Variants in PRKG1 observed in about 807,000 individuals in gnomAD.
PRKG1 encodes the protein protein kinase cGMP-dependent 1, also known as cGMP-dependent protein kinase 1.
In PRKG1, 35 loss-of-function variants were observed where a neutral mutation model predicts 88.1. The ratio of observed to expected loss-of-function variants is 0.40; its 90% confidence interval spans 0.30 to 0.53. PRKG1 has a LOEUF of 0.53. Among genes scored for constraint, PRKG1 ranks in the 20% least tolerant of loss-of-function variants. The pLI is 0.59. For synonymous variants in PRKG1, 303 were observed against 292.5 expected, an observed-to-expected ratio of 1.04 and a Z score of -0.37; for missense variants, 540 against 839.8, an observed-to-expected ratio of 0.64 and a Z score of 4.41.
intron 1 of PRKG1, among the ~76,000 whole-genome samples, chr10:51,143,715 G>GATGCGTGACACTGAGCATTTTTT (rs1169770790): frequency 6.6e-6 from 1 of 152,098 alleles, no homozygotes; most frequent in African/African-American, 2.4e-5. Context: ...TTTTCCTGAA[G>GATGCGTGACACTGAGCATTTTTT]ATGCGTGACA....
At chr10:51,323,819 G>A (rs10996840) in intron 2 of PRKG1, among the ~76,000 whole-genome samples, 24,823 of 152,120 alleles carry the variant, frequency 0.16, 2,130 homozygotes, top group East Asian at 0.22. Flanking sequence ...TGGGCATGGT[G>A]GCACGTGCCT....
At position 51,628,110 on chromosome 10, in the gene PRKG1, CCTT is replaced by C. The variant is rs749993299; in HGVS notation, c.592+160278_592+160280del. Among the ~76,000 whole-genome samples, 590 of 137,126 alleles carry C rather than the reference CCTT, an allele frequency of 4.3e-3. 3 individuals carry two copies. Among genetic ancestry groups the C allele is most frequent in the Admixed American group, 8.1e-3 (106 of 13,022 alleles). 90.0% of individuals were successfully genotyped at this position (137,126 alleles called of 152,430 possible). On this transcript the variant is annotated intron_variant, in intron 3 of 17. Transcript: ENST00000373980. ...TTTCCTTCCTTCCCTTTCTTTCTTTCCTTCTTTATTTCTCTTTCTTTCTTTCTT... is the reference window on the plus strand; with the variant it reads ...TTTCCTTCCTTCCCTTTCTTTCTTTCCTTTATTTCTCTTTCTTTCTTTCTT...
intron 7 of PRKG1, among the ~76,000 whole-genome samples, chr10:52,113,018 G>A (rs539691017): frequency 7.0e-4 from 106 of 152,256 alleles, no homozygotes; most frequent in Middle Eastern, 3.4e-3. Context: ...TGGCCTTGGG[G>A]AAATTGCTTA....
At chr10:52,100,175 A>G (rs568080550) in intron 7 of PRKG1, among the ~76,000 whole-genome samples, 1 of 152,280 alleles carries the variant, frequency 6.6e-6, no homozygotes, top group African/African-American at 2.4e-5. Context: ...CAGTGAACTC[A>G]TGTAAAGAGA....
chr10:52,220,621 A>G (rs1840219306), intron 9 of PRKG1, among the ~76,000 whole-genome samples: 1 of 151,856 alleles, frequency 6.6e-6, no homozygotes, highest in Admixed American at 6.6e-5. Context: ...CTATGTGTCT[A>G]TGTATTCTCA....
At chr10:51,144,224 T>G (rs780680965) in intron 1 of PRKG1, among the ~76,000 whole-genome samples, 10 of 152,060 alleles carry the variant, frequency 6.6e-5, no homozygotes, top group Non-Finnish European at 1.0e-4. Context: ...TAGAGATAAA[T>G]GAGTGGAACA....
chr10:52,294,078 T>C lies in PRKG1; in HGVS notation c.*178T>C. Reference sequence around the variant, plus strand: ...CTTACCGCTTAGATGACAATAGTGCTCTTTACATGTTTTCTGTTTGAACCT... The same window carrying C: ...CTTACCGCTTAGATGACAATAGTGCCCTTTACATGTTTTCTGTTTGAACCT... On this transcript the variant is annotated 3_prime_UTR_variant, in exon 18 of 18. Transcript: ENST00000373980. The C allele has an allele frequency of 2.1e-6, 1 of 483,758 alleles. No individual in the cohort carries two copies. 30.0% of individuals were successfully genotyped at this position (483,758 alleles called of 1,614,324 possible).
intron 3 of PRKG1, among the ~76,000 whole-genome samples, chr10:51,656,788 C>T (rs1554829420): frequency 6.6e-6 from 1 of 152,158 alleles, no homozygotes; most frequent in Non-Finnish European, 1.5e-5. Flanking sequence ...CCTTCCACAA[C>T]TTGGCACCAA....
chr10:51,500,763 A>G (rs986950366), intron 3 of PRKG1, among the ~76,000 whole-genome samples: 4 of 152,120 alleles, frequency 2.6e-5, no homozygotes, highest in Non-Finnish European at 5.9e-5. Flanking sequence ...GGAGCTATCA[A>G]TTAAGGTGTT....
chr10:52,037,948 G>A (rs1429316550), intron 5 of PRKG1, among the ~76,000 whole-genome samples: 1 of 152,168 alleles, frequency 6.6e-6, no homozygotes, highest in Non-Finnish European at 1.5e-5. Context: ...GAGTGGCACT[G>A]GGCACAGAGA....
intron 3 of PRKG1, among the ~76,000 whole-genome samples, chr10:51,480,482 A>G (rs1392261383): frequency 6.6e-6 from 1 of 151,828 alleles, no homozygotes; most frequent in Non-Finnish European, 1.5e-5. Flanking sequence ...TGTTCTCCAT[A>G]CCGTTTTCAG....
At chr10:51,497,290 C>A (rs1303149269) in intron 3 of PRKG1, among the ~76,000 whole-genome samples, 1 of 152,136 alleles carries the variant, frequency 6.6e-6, no homozygotes, top group East Asian at 1.9e-4. Flanking sequence ...TCTTAACAGT[C>A]CTTGGACACC....
At chr10:51,869,387 GT>G (rs145638052) in intron 4 of PRKG1, among the ~76,000 whole-genome samples, 9,106 of 148,268 alleles carry the variant, frequency 0.061, 327 homozygotes, top group Middle Eastern at 0.11. Flanking sequence ...TATAACTGCT[GT>G]TTTTTTTTTA....
intron 4 of PRKG1, among the ~76,000 whole-genome samples, chr10:51,865,443 G>A (rs1463853576): frequency 2.0e-5 from 3 of 151,942 alleles, no homozygotes; most frequent in African/African-American, 7.2e-5. Flanking sequence ...AAGGCATTAA[G>A]CATTATTTTC....
upstream of PRKG1, among the ~76,000 whole-genome samples, chr10:51,073,384 C>G (rs1296750274): frequency 1.3e-5 from 2 of 152,146 alleles, no homozygotes; most frequent in Non-Finnish European, 2.9e-5. Context: ...TGGAAAGATA[C>G]ATTCCTAACA....
chr10:51,541,250 A>G (rs555026710), intron 3 of PRKG1, among the ~76,000 whole-genome samples: 5 of 152,264 alleles, frequency 3.3e-5, no homozygotes, highest in Non-Finnish European at 7.4e-5. Context: ...TCGCGCTCCT[A>G]TAAGAATCCC....
intron 5 of PRKG1, among the ~76,000 whole-genome samples, chr10:51,926,541 A>G (rs1467009598): frequency 6.6e-6 from 1 of 152,050 alleles, no homozygotes; most frequent in Non-Finnish European, 1.5e-5. Flanking sequence ...GCTGTCATGG[A>G]TGTGTGGCTT....
intron 3 of PRKG1, among the ~76,000 whole-genome samples, chr10:51,564,098 G>C (rs1837537996): frequency 6.6e-6 from 1 of 151,840 alleles, no homozygotes; most frequent in Non-Finnish European, 1.5e-5. Flanking sequence ...ATTATATTCT[G>C]TTTTCATCAT....
intron 1 of PRKG1, among the ~76,000 whole-genome samples, chr10:51,087,532 C>A (rs1004444203): frequency 1.7e-4 from 26 of 152,182 alleles, no homozygotes; most frequent in African/African-American, 5.1e-4. Flanking sequence ...AGCTCATGCT[C>A]ACTCTCTATA....
Sources: allele counts gnomAD v4.1 joint callset (sites outside exome capture counted in the v4.1 genomes callset), GRCh38; gene constraint gnomAD v4.1.1; transcripts MANE v1.5; gene names NCBI Gene and HGNC (gene_info 2026-07-23, HGNC 2026-07-21).